Variants in DYDC2 observed in about 807,000 individuals in gnomAD.
The protein encoded by DYDC2 is DPY30 domain-containing protein 2.
A neutral mutation model predicts 18.7 loss-of-function variants in DYDC2; 19 were observed. The ratio of observed to expected loss-of-function variants is 1.02; its 90% CI spans 0.71 to 1.49. The LOEUF (loss-of-function observed/expected upper bound fraction) is 1.49, where lower values mean the gene tolerates loss of function less well. DYDC2 is among the 40% of genes most tolerant of loss of function. The probability of loss-of-function intolerance (pLI) is 0.00; values close to 1 mark genes in which losing one functional copy is unlikely to be tolerated. For synonymous variants in DYDC2, 63 were observed against 67.6 expected, an observed-to-expected ratio of 0.93 and a Z score of 0.34; for missense variants, 179 against 205.1, an observed-to-expected ratio of 0.87 and a Z score of 0.78.
chr10:80,354,663 G>T (rs540018071), upstream of DYDC2, among the ~76,000 whole-genome samples: 31 of 152,062 alleles, frequency 2.0e-4, no homozygotes, highest in Non-Finnish European at 2.9e-4. Context: ...TCATTAGTGT[G>T]GAGCCGTCAT....
At chr10:80,357,547 G>T (rs1440567687) in intron 1 of DYDC2, among the ~76,000 whole-genome samples, 1 of 152,156 alleles carries the variant, frequency 6.6e-6, no homozygotes, top group Non-Finnish European at 1.5e-5. Flanking sequence ...GACCGTCACT[G>T]CAAGCTGCTA....
chr10:80,364,532 T>C (rs74454898), intron 4 of DYDC2, among the ~76,000 whole-genome samples: 4,057 of 152,342 alleles, frequency 0.027, 157 homozygotes, highest in South Asian at 0.16. Flanking sequence ...AAGGAAAATT[T>C]CTCGGTTCAC....
chr10:80,347,556 T>C (rs1156856989), intron 1 of DYDC2, among the ~76,000 whole-genome samples: 1 of 152,186 alleles, frequency 6.6e-6, no homozygotes, highest in African/African-American at 2.4e-5. Flanking sequence ...TTCTACATTA[T>C]GTTTTCTTCC....
chr10:80,345,720 T>A (rs191245798), intron 1 of DYDC2, among the ~76,000 whole-genome samples: 120 of 152,308 alleles, frequency 7.9e-4, no homozygotes, highest in Middle Eastern at 3.4e-3. Context: ...TCACTTAACA[T>A]CATGTCCTTC....
chr10:80,357,024 G>T (rs1843419923), intron 1 of DYDC2, among the ~76,000 whole-genome samples, 199 bp downstream of exon 1: 1 of 141,256 alleles, frequency 7.1e-6, no homozygotes, highest in African/African-American at 2.6e-5. Flanking sequence ...GCGTGCAGGC[G>T]CGGGGCGCCC....
In DYDC2 at chr10:80,362,493, C is replaced by G. The variant is rs777102575; in HGVS notation, c.50C>G (p.Ala17Gly). Residue 17 changes from alanine to glycine, a missense_variant, in exon 3 of 5, where the codon GCA becomes GGA. Physicochemically the swap from Ala to Gly is moderately conservative, Grantham distance 60 (BLOSUM62 0). Transcript: ENST00000256039. ...KRCFGNCLAQ[A>G]LAEVAKVRPS... Reference sequence around the variant, plus strand: ...TGCTTTGGAAATTGCCTGGCCCAGGCACTGGCAGAGGTGGCGAAGGTTCGG... The same window carrying G: ...TGCTTTGGAAATTGCCTGGCCCAGGGACTGGCAGAGGTGGCGAAGGTTCGG... 7 of 1,614,144 alleles carry G rather than the reference C, an allele frequency of 4.3e-6. No homozygotes were observed. Among genetic ancestry groups the G allele is most frequent in the Non-Finnish European group, 5.9e-6 (7 of 1,179,980 alleles).
upstream of DYDC2, among the ~76,000 whole-genome samples, chr10:80,354,712 C>T (rs1310657940): frequency 6.6e-6 from 1 of 152,126 alleles, no homozygotes; most frequent in African/African-American, 2.4e-5. Flanking sequence ...GATGGGAGAG[C>T]GTGCTCTCAC....
intron 2 of DYDC2, among the ~76,000 whole-genome samples, chr10:80,358,752 A>G (rs185833759): frequency 7.0e-4 from 106 of 152,330 alleles, no homozygotes; most frequent in Middle Eastern, 3.4e-3. Context: ...ACAAGTCCCA[A>G]TGTGTCCAGA....
At chr10:80,363,658 A>C (rs1378059096) in intron 4 of DYDC2, among the ~76,000 whole-genome samples, 1 of 152,022 alleles carries the variant, frequency 6.6e-6, no homozygotes, top group African/African-American at 2.4e-5. Context: ...AAAAAATCTG[A>C]TTTTTAAAAA....
chr10:80,364,796 G>C (rs186653601), intron 4 of DYDC2, among the ~76,000 whole-genome samples: 27 of 152,340 alleles, frequency 1.8e-4, no homozygotes. Flanking sequence ...AGGAAATAAA[G>C]AGAACCCAAG....
chr10:80,354,141 TA>T (rs1275025722), upstream of DYDC2, among the ~76,000 whole-genome samples: 1 of 148,342 alleles, frequency 6.7e-6, no homozygotes, highest in African/African-American at 2.5e-5. Flanking sequence ...TATATATATA[TA>T]TATTTTTTCC....
At chr10:80,348,605 C>CTG (rs1374179748) in intron 1 of DYDC2, among the ~76,000 whole-genome samples, 1 of 152,162 alleles carries the variant, frequency 6.6e-6, no homozygotes. Context: ...GTTTGTAAGG[C>CTG]CTCAACGTAA....
chr10:80,359,728 G>T (rs574939038), intron 2 of DYDC2, among the ~76,000 whole-genome samples: 1 of 152,310 alleles, frequency 6.6e-6, no homozygotes, highest in African/African-American at 2.4e-5. Flanking sequence ...GCAGCTGCTG[G>T]CCCAGTGCTA....
chr10:80,352,729 C>G, upstream of DYDC2: 1 of 1,265,860 alleles, frequency 7.9e-7, no homozygotes, highest in Non-Finnish European at 1.0e-6. Flanking sequence ...ATGGACACCT[C>G]CCATTGGGGG....
At chr10:80,355,832 C>G (rs1057057632), upstream of DYDC2, among the ~76,000 whole-genome samples, 3 of 152,018 alleles carry the variant, frequency 2.0e-5, no homozygotes, top group Admixed American at 1.3e-4. Context: ...GAACCTAATT[C>G]CAAATGAGGT....
chr10:80,357,941 C>G lies in DYDC2; in HGVS notation c.-114C>G. 1 of 984,738 alleles carries G rather than the reference C, an allele frequency of 1.0e-6. No individual in the cohort carries two copies. Among genetic ancestry groups the G allele is most frequent in the Non-Finnish European group, 1.2e-6 (1 of 829,368 alleles). The allele number at this position is 984,738 out of a possible 1,614,324, so 61.0% of individuals were successfully genotyped here. On this transcript the variant is annotated 5_prime_UTR_variant, in exon 2 of 5. Coordinates refer to ENST00000256039, the MANE Select transcript of DYDC2 (RefSeq NM_032372.6). ...GCGGTATACAGTAAACAAAGACAAC[C>G]CCTATTCTTATCACCTTGCCTACTG... is the stretch of plus-strand genomic sequence containing the variant.
At chr10:80,349,928 A>G (rs1842886012) in intron 1 of DYDC2, among the ~76,000 whole-genome samples, 1 of 152,216 alleles carries the variant, frequency 6.6e-6, no homozygotes, top group Admixed American at 6.5e-5. Flanking sequence ...CTAAAATATC[A>G]AGGAATTTCA....
intron 1 of DYDC2, among the ~76,000 whole-genome samples, chr10:80,346,096 C>T (rs1842607363): frequency 6.6e-6 from 1 of 152,192 alleles, no homozygotes; most frequent in Admixed American, 6.5e-5. Context: ...GATCCTCAGG[C>T]CTCGGCCTCC....
upstream of DYDC2, chr10:80,352,460 G>T (rs763205453): frequency 1.4e-5 from 22 of 1,599,084 alleles, no homozygotes; most frequent in Middle Eastern, 1.7e-4. Flanking sequence ...CTTACCAGTT[G>T]TTCCATGGTC....
Sources: gnomAD v4.1 joint callset for allele counts (sites outside exome capture counted in the v4.1 genomes callset) on GRCh38, gnomAD v4.1.1 for gene constraint, MANE v1.5 for transcripts, NCBI Gene and HGNC (gene_info 2026-07-23, HGNC 2026-07-21) for gene names.